ZNF217: variants seen among roughly 807,000 people sequenced by gnomAD.
ZNF217 encodes the protein zinc finger protein 217.
ZNF217 carries 12 observed loss-of-function variants against 73.3 expected under a neutral mutation model. The ratio of observed to expected loss-of-function variants is 0.16; its 90% confidence interval spans 0.10 to 0.27. ZNF217 has a LOEUF of 0.27. Among genes scored for constraint, ZNF217 ranks in the 10% least tolerant of loss-of-function variants. The pLI, the probability that ZNF217 is intolerant of heterozygous loss-of-function variation, is 1.00. For synonymous variants in ZNF217, 588 were observed against 516.4 expected (o/e 1.14, Z -1.88); for missense variants, 1,195 against 1,327.8 (o/e 0.90, Z 1.55).
chr20:53,577,832 A>G (rs1988339543), intron 3 of ZNF217, among the ~76,000 whole-genome samples: 1 of 152,260 alleles, frequency 6.6e-6, no homozygotes, highest in Admixed American at 6.5e-5. Context: ...GCGGTGGCTC[A>G]CGCCTGTAAT....
chr20:53,582,326 C>T lies in ZNF217; in HGVS notation c.501G>A (p.Glu167=). The T allele has an allele frequency of 6.2e-7, 1 of 1,614,182 alleles. No individual in the cohort carries two copies. The highest frequency in any genetic ancestry group is 8.5e-7 in the Non-Finnish European group (1 of 1,180,034). ...GCATGTGATTTTTAAGAAACCAAGG[C>T]TCCTTGAATCTTCTTCCGCACATGT... The part of the protein sequence containing the change: ...GCNMCGRRFK[E]PWFLKNHMRT... The change falls in exon 2 of 6, where the codon GAG becomes GAA. Residue 167 remains glutamate, a synonymous_variant. Coordinates refer to ENST00000371471, the MANE Select transcript of ZNF217 (RefSeq NM_006526.3). This position sits in a 1 kb window ranked among gnomAD's most constrained non-coding sequence, Gnocchi z 4.8.
At position 53,575,980 on chromosome 20, in the gene ZNF217, G is replaced by A. The variant is rs200554750; in HGVS notation, c.2784C>T (p.Asp928=). ...TGTAATTGGCCCCGGGCTGGTCAAC[G>A]TCAAGGGCAACCACGCTGGACTTCA... ...KRLKSSVVAL[D]VDQPGANYRR... is the part of the protein sequence containing the mutation. The change falls in exon 4 of 6, where the codon GAC becomes GAT. Residue 928 remains aspartate, a synonymous_variant. Transcript: ENST00000371471. The A allele has an allele frequency of 1.2e-4, 186 of 1,614,242 alleles. 2 individuals are homozygous for A. Among genetic ancestry groups the A allele is most frequent in the South Asian group, 9.9e-4 (90 of 91,086 alleles).
Position 53,577,120 on chromosome 20 carries a change from G to A in ZNF217, c.1644C>T (p.Thr548=), listed in dbSNP as rs142672146. The A allele has an allele frequency of 8.1e-4, 1,301 of 1,614,114 alleles. No individual in the cohort carries two copies. The highest frequency in any genetic ancestry group is 8.6e-4 in the Non-Finnish European group (1,017 of 1,180,034). The change falls in exon 4 of 6, where the codon ACC becomes ACT. Residue 548 remains threonine, a synonymous_variant. Coordinates refer to ENST00000371471, the MANE Select transcript of ZNF217 (RefSeq NM_006526.3). The part of the protein sequence containing the change: ...KNQDTEDALL[T]ADSAQTKNLK... ...AATTTTTGGTTTGCGCACTGTCAGC[G>A]GTTAATAGTGCATCTTCAGTGTCCT...
At chr20:53,580,520 T>C (rs1190351247) in intron 2 of ZNF217, among the ~76,000 whole-genome samples, 2 of 152,200 alleles carry the variant, frequency 1.3e-5, no homozygotes, top group Admixed American at 1.3e-4. Flanking sequence ...AAGCTCTGGC[T>C]ACAGTGAGGA....
intron 4 of ZNF217, chr20:53,575,385 A>C (rs1201167637): frequency 5.3e-6 from 1 of 187,196 alleles, no homozygotes; most frequent in Non-Finnish European, 1.1e-5. Flanking sequence ...AGGCAGAAGG[A>C]TCTCTTGAAC....
At chr20:53,593,169 T>C (rs894466155) in intron 1 of ZNF217, among the ~76,000 whole-genome samples, 1 of 151,400 alleles carries the variant, frequency 6.6e-6, no homozygotes, top group Non-Finnish European at 1.5e-5. Flanking sequence ...CGCGTCGGGG[T>C]CCGCGGCGAG....
chr20:53,582,863 G>T lies in ZNF217; in HGVS notation c.-37C>A. ...GTTCCGTTGGGCAATTTCTGGAGTT[G>T]GAATAAGGCCACTTGTAAGACTTGT... is the stretch of plus-strand genomic sequence containing the variant. On this transcript the variant is annotated 5_prime_UTR_variant, in exon 2 of 6. Coordinates refer to ENST00000371471, the MANE Select transcript of ZNF217 (RefSeq NM_006526.3). This position sits in a 1 kb window ranked among gnomAD's most constrained non-coding sequence, Gnocchi z 4.8. 6.4e-7 allele frequency: 1 copy of T among 1,558,434 alleles called. No individual in the cohort carries two copies. The highest frequency in any genetic ancestry group is 8.7e-7 in the Non-Finnish European group (1 of 1,150,942).
chr20:53,586,030 C>G (rs1451118483), intron 1 of ZNF217, among the ~76,000 whole-genome samples: 1 of 152,146 alleles, frequency 6.6e-6, no homozygotes, highest in Non-Finnish European at 1.5e-5. Context: ...ACCCTACCCC[C>G]CCAAAGTATT....
At chr20:53,572,058 C>T (rs1988035718) in intron 4 of ZNF217, among the ~76,000 whole-genome samples, 1 of 152,090 alleles carries the variant, frequency 6.6e-6, no homozygotes, top group Non-Finnish European at 1.5e-5. Context: ...ATGTCACTAA[C>T]ATTAAAATTG....
At chr20:53,572,921 T>A (rs1440662583) in intron 4 of ZNF217, 1 of 152,106 alleles carries the variant, frequency 6.6e-6, no homozygotes, top group Non-Finnish European at 1.5e-5. Flanking sequence ...AAAACCCCAG[T>A]CATCTATGAG....
In ZNF217 at chr20:53,582,217, GGAC is replaced by G. The variant is rs774929251; in HGVS notation, c.607_609del (p.Val203del). On this transcript the variant is annotated inframe_deletion, in exon 2 of 6. Transcript: ENST00000371471. This position sits in a 1 kb window ranked among gnomAD's most constrained non-coding sequence, Gnocchi z 4.8. The stretch of plus-strand genomic sequence containing the variant: ...GAGATGCTCTCGGCCGCGTGCACCT[GGAC>G]GACCTCGTTGATCGTTGCTGGACTA... 1.2e-6 allele frequency: 2 copies of G among 1,614,112 alleles called. No individual in the cohort carries two copies. Among genetic ancestry groups the G allele is most frequent in the Non-Finnish European group, 1.7e-6 (2 of 1,180,056 alleles).
rs1568687183 is a variant in ZNF217 at position 53,581,870 on chromosome 20, T to G, written c.957A>C (p.Glu319Asp). 2 of 1,614,250 alleles carry G rather than the reference T, an allele frequency of 1.2e-6. No individual in the cohort carries two copies. The highest frequency in any genetic ancestry group is 1.7e-6 in the Non-Finnish European group (2 of 1,180,042). Residue 319 changes from glutamate to aspartate, a missense_variant, in exon 2 of 6, where the codon GAA (glutamate) becomes GAC (aspartate). Physicochemically the swap from Glu to Asp is conservative, Grantham distance 45. Transcript: ENST00000371471. The surrounding 1 kb of genome is among the most constrained non-coding windows in gnomAD (Gnocchi z 4.9). ...ICQEVKESGQEGSTDNDDSSS... is the reference protein window; with the variant it reads ...ICQEVKESGQDGSTDNDDSSS... ...TCGAATCGTCGTTGTCGGTGCTCCCTTCTTGCCCCGATTCCTTCACTTCTT... is the reference window on the plus strand; with the variant it reads ...TCGAATCGTCGTTGTCGGTGCTCCCGTCTTGCCCCGATTCCTTCACTTCTT...
chr20:53,579,715 A>T (rs1453108815), intron 2 of ZNF217, among the ~76,000 whole-genome samples: 1 of 152,206 alleles, frequency 6.6e-6, no homozygotes, highest in South Asian at 2.1e-4. Flanking sequence ...CTTTACAGTT[A>T]TATTTTTTAA....
chr20:53,585,605 T>TA (rs1205870226), intron 1 of ZNF217, among the ~76,000 whole-genome samples: 2 of 152,156 alleles, frequency 1.3e-5, no homozygotes, highest in South Asian at 2.1e-4. Flanking sequence ...CAGCATAACT[T>TA]AGTTACTGAA....
At chr20:53,592,044 T>C (rs1374812568) in intron 1 of ZNF217, among the ~76,000 whole-genome samples, 4 of 152,240 alleles carry the variant, frequency 2.6e-5, no homozygotes, top group South Asian at 2.1e-4. Context: ...CTTAATCTCA[T>C]GTCAAGTCAT....
At chr20:53,578,143 T>A (rs1159899749) in intron 3 of ZNF217, among the ~76,000 whole-genome samples, 191 bp downstream of exon 3, 2 of 151,898 alleles carry the variant, frequency 1.3e-5, no homozygotes, top group Non-Finnish European at 2.9e-5. Context: ...AGAAATGAAC[T>A]GCAAATAAGA....
intron 1 of ZNF217, among the ~76,000 whole-genome samples, chr20:53,585,365 G>C (rs1464859540): frequency 1.3e-5 from 2 of 152,074 alleles, no homozygotes; most frequent in Non-Finnish European, 2.9e-5. Context: ...TTGGAGACCA[G>C]CCTGGCCAAC....
intron 1 of ZNF217, among the ~76,000 whole-genome samples, chr20:53,593,010 A>T (rs1160600340): frequency 6.6e-6 from 1 of 152,048 alleles, no homozygotes; most frequent in South Asian, 2.1e-4. Flanking sequence ...AGACTTAAAA[A>T]AATCTTTAAA....
chr20:53,595,297 A>G (rs1017788524), upstream of ZNF217, among the ~76,000 whole-genome samples: 6 of 152,238 alleles, frequency 3.9e-5, no homozygotes, highest in African/African-American at 1.2e-4. Flanking sequence ...GCAAGTCGCT[A>G]CTAACAAAAT....
Sources: allele counts gnomAD v4.1 joint callset (sites outside exome capture counted in the v4.1 genomes callset), GRCh38; gene constraint gnomAD v4.1.1; non-coding constraint Gnocchi (gnomAD v3.1); transcripts MANE v1.5; gene names NCBI Gene and HGNC (gene_info 2026-07-23, HGNC 2026-07-21).